BDKRB2: variants seen among roughly 807,000 people sequenced by gnomAD.
The protein encoded by BDKRB2 is B2 bradykinin receptor.
A neutral mutation model predicts 4.0 loss-of-function variants in BDKRB2; 6 were observed. The ratio of observed to expected loss-of-function variants is 1.49; its 90% CI spans 0.81 to 2.93. The LOEUF is 2.93. BDKRB2 is among the 30% of genes most tolerant of loss of function. The pLI is 0.00. For missense variants in BDKRB2, 478 were observed against 520.1 expected (o/e 0.92, Z 0.79); for synonymous variants, 225 against 215.3 (o/e 1.05, Z -0.40).
chr14:96,231,598 A>G (rs1383813014), intron 1 of BDKRB2, among the ~76,000 whole-genome samples: 3 of 152,150 alleles, frequency 2.0e-5, no homozygotes, highest in Non-Finnish European at 2.9e-5. Context: ...TTAGAGGAAA[A>G]CATTTATTCT....
At position 96,240,487 on chromosome 14, in the gene BDKRB2, G is replaced by A; in HGVS notation, c.159G>A (p.Leu53=). The change falls in exon 3 of 3, where the codon CTG becomes CTA. Residue 53 remains leucine, a synonymous_variant. Coordinates refer to ENST00000554311, the MANE Select transcript of BDKRB2 (RefSeq NM_001379692.1). ...GCAAATGCCCCCAAGTGGAGTGGCTGGGCTGGCTCAACACCATCCAGCCCC... is the reference window on the plus strand; with the variant it reads ...GCAAATGCCCCCAAGTGGAGTGGCTAGGCTGGCTCAACACCATCCAGCCCC... The part of the protein sequence containing the change: ...AQSKCPQVEW[L]GWLNTIQPPF... 2.6e-6 allele frequency: 4 copies of A among 1,536,108 alleles called. No homozygotes were observed. The highest frequency in any genetic ancestry group is 1.3e-5 in the South Asian group (1 of 77,514).
intron 1 of BDKRB2, among the ~76,000 whole-genome samples, chr14:96,207,293 A>G (rs979600983): frequency 3.9e-5 from 6 of 152,244 alleles, no homozygotes; most frequent in African/African-American, 1.4e-4. Context: ...TATTGCTCAT[A>G]TAGCAGGCAA....
chr14:96,236,174 C>T (rs1372372181), intron 1 of BDKRB2, among the ~76,000 whole-genome samples: 1 of 152,144 alleles, frequency 6.6e-6, no homozygotes, highest in African/African-American at 2.4e-5. Context: ...TTGACAGCAC[C>T]TTGTATTGGT....
intron 2 of BDKRB2, chr14:96,238,861 G>T (rs1180174919): frequency 9.1e-6 from 9 of 986,664 alleles, no homozygotes; most frequent in Non-Finnish European, 9.6e-6. Context: ...GGCCACAGTT[G>T]TCAGGAGTCA....
rs778370159 is a variant in BDKRB2 at position 96,241,461 on chromosome 14, G to T, written c.1133G>T (p.Arg378Leu). ...GTLRTSISVE[R>L]QIHKLQDWAG... ...CTGCGGACCTCCATCTCCGTGGAAC[G>T]CCAGATTCACAAACTGCAGGACTGG... is the stretch of plus-strand genomic sequence containing the variant. Residue 378 changes from arginine to leucine, a missense_variant, in exon 3 of 3, where the codon CGC becomes CTC. Coordinates refer to ENST00000554311, the MANE Select transcript of BDKRB2 (RefSeq NM_001379692.1). 10 of 1,575,278 alleles carry T rather than the reference G, an allele frequency of 6.3e-6. No individual in the cohort carries two copies. The highest frequency in any genetic ancestry group is 2.7e-5 in the African/African-American group (2 of 74,292).
At chr14:96,239,792 G>A (rs1433684041) in intron 2 of BDKRB2, 1 of 985,076 alleles carries the variant, frequency 1.0e-6, no homozygotes, top group African/African-American at 1.7e-5. Context: ...AGGACTATCT[G>A]GCTGCAAAGT....
chr14:96,208,988 C>A (rs942562224), intron 1 of BDKRB2, among the ~76,000 whole-genome samples: 1 of 152,186 alleles, frequency 6.6e-6, no homozygotes, highest in African/African-American at 2.4e-5. Flanking sequence ...ACAGCCCCGT[C>A]GCTTCTGTGG....
chr14:96,237,453 G>T (rs1890962848), intron 2 of BDKRB2, among the ~76,000 whole-genome samples: 1 of 152,214 alleles, frequency 6.6e-6, no homozygotes, highest in Non-Finnish European at 1.5e-5. Context: ...GAACTTGGAA[G>T]TGAAGGGAAG....
chr14:96,216,171 G>A (rs189108027), intron 1 of BDKRB2, among the ~76,000 whole-genome samples: 4 of 152,312 alleles, frequency 2.6e-5, no homozygotes, highest in Admixed American at 2.6e-4. Context: ...ACCTTTGTTA[G>A]CAGCAGAGAT....
At position 96,219,164 on chromosome 14, in the gene BDKRB2, T is replaced by C. The variant is rs1890496835; in HGVS notation, c.-40+14205T>C. Among the ~76,000 whole-genome samples, 3 of 151,656 alleles carry C rather than the reference T, an allele frequency of 2.0e-5. 1 individual carries two copies. The highest frequency in any genetic ancestry group is 7.3e-5 in the African/African-American group (3 of 41,162). On this transcript the variant is annotated intron_variant, in intron 1 of 2. Transcript: ENST00000554311. Reference sequence around the variant, plus strand: ...TAAAAATACAAAAATTAGCAGGGCGTGGTAGCATGCTGCTGTAATCCCAGC... The same window carrying C: ...TAAAAATACAAAAATTAGCAGGGCGCGGTAGCATGCTGCTGTAATCCCAGC...
intron 1 of BDKRB2, among the ~76,000 whole-genome samples, chr14:96,226,874 G>A (rs4905470): frequency 0.19 from 29,278 of 152,096 alleles, 2,968 homozygotes; most frequent in African/African-American, 0.25. Context: ...TTCCAACGGC[G>A]GAAGAAAGAT....
chr14:96,216,759 A>G (rs1595250373), intron 1 of BDKRB2, among the ~76,000 whole-genome samples: 1 of 107,938 alleles, frequency 9.3e-6, no homozygotes, highest in Non-Finnish European at 1.9e-5. Context: ...AAGGAGGAGG[A>G]GGAGGAGGAA....
intron 1 of BDKRB2, among the ~76,000 whole-genome samples, chr14:96,222,923 A>G (rs1024718213): frequency 1.3e-5 from 2 of 152,064 alleles, no homozygotes; most frequent in Admixed American, 6.5e-5. Context: ...ATTTGAAGTT[A>G]CTTCTGTGGC....
Position 96,241,667 on chromosome 14 carries a change from T to G in BDKRB2, c.*163T>G. 1.6e-6 allele frequency: 2 copies of G among 1,243,126 alleles called. No homozygotes were observed. The highest frequency in any genetic ancestry group is 2.1e-6 in the Non-Finnish European group (2 of 944,034). The allele number at this position is 1,243,126 out of a possible 1,614,324, so 77.0% of individuals were successfully genotyped here. ...GACTAATTCCTGCCCTGCCCAATTT[T>G]GCAGGGAGCATGGCTGTGAGGATGG... On this transcript the variant is annotated 3_prime_UTR_variant, in exon 3 of 3. Coordinates refer to ENST00000554311, the MANE Select transcript of BDKRB2 (RefSeq NM_001379692.1).
rs1238986554 is a variant in BDKRB2, at chr14:96,243,470, G to A, written c.*1966G>A. The A allele has an allele frequency of 6.6e-6, 1 of 152,042 alleles. No homozygotes were observed. Among genetic ancestry groups the A allele is most frequent in the Admixed American group, 6.6e-5 (1 of 15,224 alleles). 9.4% of individuals were successfully genotyped at this position (152,042 alleles called of 1,614,324 possible). On this transcript the variant is annotated 3_prime_UTR_variant, in exon 3 of 3. Coordinates refer to ENST00000554311, the MANE Select transcript of BDKRB2 (RefSeq NM_001379692.1). Reference sequence around the variant, plus strand: ...ACCTAGAAGGGCTAGAACCTGGAGAGCCAGAACCTGGAGGGCTAGAACCTG... The same window carrying A: ...ACCTAGAAGGGCTAGAACCTGGAGAACCAGAACCTGGAGGGCTAGAACCTG...
Position 96,241,531 on chromosome 14 carries a change from T to A in BDKRB2, c.*27T>A, listed in dbSNP as rs776474832. 7.3e-6 allele frequency: 11 copies of A among 1,508,292 alleles called. No homozygotes were observed. Among genetic ancestry groups the A allele is most frequent in the Non-Finnish European group, 9.7e-6 (11 of 1,136,204 alleles). The allele number at this position is 1,508,292 out of a possible 1,614,324, so 93.4% of individuals were successfully genotyped here. A position where few individuals can be genotyped will look rare whatever the true frequency, so the allele number is the denominator to read the frequency against. Reference sequence around the variant, plus strand: ...CAAACGCCAGCAGGGCTGCTGTGAATTTGTGTAAGGATTGAGGGACAGTTG... The same window carrying A: ...CAAACGCCAGCAGGGCTGCTGTGAAATTGTGTAAGGATTGAGGGACAGTTG... On this transcript the variant is annotated 3_prime_UTR_variant, in exon 3 of 3. Coordinates refer to ENST00000554311, the MANE Select transcript of BDKRB2 (RefSeq NM_001379692.1).
At chr14:96,230,677 G>A (rs1475721675) in intron 1 of BDKRB2, among the ~76,000 whole-genome samples, 2 of 150,526 alleles carry the variant, frequency 1.3e-5, no homozygotes, top group Non-Finnish European at 2.9e-5. Context: ...GAGTGCAACG[G>A]TGGGATCTCA....
intron 1 of BDKRB2, chr14:96,233,572 T>C (rs1409188240): frequency 6.6e-6 from 1 of 152,204 alleles, no homozygotes; most frequent in African/African-American, 2.4e-5. Context: ...TTCTTTCCAC[T>C]TAAAATATTC....
intron 1 of BDKRB2, among the ~76,000 whole-genome samples, chr14:96,213,843 C>T (rs1293995326): frequency 6.6e-6 from 1 of 152,090 alleles, no homozygotes; most frequent in Non-Finnish European, 1.5e-5. Flanking sequence ...AGGAAATGGT[C>T]CCTAGAGGGG....
Sources: allele counts gnomAD v4.1 joint callset (sites outside exome capture counted in the v4.1 genomes callset), GRCh38; gene constraint gnomAD v4.1.1; transcripts MANE v1.5; gene names NCBI Gene and HGNC (gene_info 2026-07-23, HGNC 2026-07-21).